TLL1: variants seen among roughly 807,000 people sequenced by gnomAD.
The protein encoded by TLL1 is tolloid-like protein 1.
In TLL1, 49 loss-of-function variants were observed where a neutral mutation model predicts 128.2. The ratio of observed to expected loss-of-function variants is 0.38; its 90% CI spans 0.30 to 0.48. TLL1 has a LOEUF of 0.48. Ranked by LOEUF, TLL1 falls within the 20% of genes least tolerant of loss-of-function variation. TLL1 has a pLI of 0.96. For missense variants in TLL1, 1,123 were observed against 1,242.0 expected (o/e 0.90, Z 1.44); for synonymous variants, 454 against 418.8 (o/e 1.08, Z -1.03).
At chr4:165,995,310 A>T (rs1430292967) in intron 5 of TLL1, 132 bp downstream of exon 5, 4 of 738,296 alleles carry the variant, frequency 5.4e-6, no homozygotes, top group Non-Finnish European at 2.4e-6. Flanking sequence ...TGGATTTTCC[A>T]TAAAAATATT....
chr4:166,027,057 C>A (rs567817249), intron 9 of TLL1, among the ~76,000 whole-genome samples: 1 of 151,814 alleles, frequency 6.6e-6, no homozygotes, highest in Non-Finnish European at 1.5e-5. Flanking sequence ...ATTATGCAGC[C>A]GTAAAAAAGA....
intron 9 of TLL1, among the ~76,000 whole-genome samples, chr4:166,034,236 C>T (rs1738898608): frequency 6.6e-6 from 1 of 152,038 alleles, no homozygotes; most frequent in Non-Finnish European, 1.5e-5. Context: ...TTGGAAGATC[C>T]ATGCATGACT....
intron 8 of TLL1, among the ~76,000 whole-genome samples, chr4:166,017,495 T>C (rs954604281): frequency 8.5e-5 from 13 of 152,156 alleles, no homozygotes; most frequent in African/African-American, 3.1e-4. Flanking sequence ...GTGTTTTAAG[T>C]TCTTTGAGAA....
At chr4:165,950,464 A>C (rs1478814360) in intron 1 of TLL1, among the ~76,000 whole-genome samples, 1 of 152,146 alleles carries the variant, frequency 6.6e-6, no homozygotes, top group Non-Finnish European at 1.5e-5. Context: ...CAACAACAGC[A>C]GAATAGAGAT....
At chr4:165,947,993 G>A (rs187378115) in intron 1 of TLL1, among the ~76,000 whole-genome samples, 202 of 152,284 alleles carry the variant, frequency 1.3e-3, no homozygotes, top group Admixed American at 3.3e-3. Context: ...CTGCCAACAC[G>A]TGCTACCTTG....
intron 1 of TLL1, among the ~76,000 whole-genome samples, chr4:165,948,352 A>G (rs1482803300): frequency 6.6e-6 from 1 of 152,056 alleles, no homozygotes; most frequent in Non-Finnish European, 1.5e-5. Flanking sequence ...TAGTTGAGAG[A>G]TTTTGGATTT....
At chr4:165,991,344 A>G (rs1242104273) in intron 2 of TLL1, among the ~76,000 whole-genome samples, 1 of 152,038 alleles carries the variant, frequency 6.6e-6, no homozygotes, top group Non-Finnish European at 1.5e-5. Flanking sequence ...AGTAACTTGC[A>G]CTACTCAGTT....
At chr4:166,043,947 G>A (rs1057016420) in intron 12 of TLL1, among the ~76,000 whole-genome samples, 4 of 151,994 alleles carry the variant, frequency 2.6e-5, no homozygotes, top group African/African-American at 2.4e-5. Flanking sequence ...ATTAGATGAC[G>A]GGTCAGAAGA....
chr4:165,975,515 C>T (rs764582181), intron 1 of TLL1, among the ~76,000 whole-genome samples: 38 of 151,934 alleles, frequency 2.5e-4, no homozygotes, highest in Non-Finnish European at 5.0e-4. Flanking sequence ...GTCTGAATGA[C>T]TAAAAAAGAA....
intron 18 of TLL1, among the ~76,000 whole-genome samples, chr4:166,086,231 A>C (rs971382300): frequency 6.6e-6 from 1 of 152,094 alleles, no homozygotes; most frequent in African/African-American, 2.4e-5. Context: ...ATGAGAACTG[A>C]ACTATCAGAG....
At chr4:166,094,080 C>A (rs972251722) in intron 19 of TLL1, among the ~76,000 whole-genome samples, 1 of 152,120 alleles carries the variant, frequency 6.6e-6, no homozygotes, top group Non-Finnish European at 1.5e-5. Flanking sequence ...TCTTTCTTTT[C>A]CCTACAGTCA....
chr4:165,888,785 T>C (rs1272701768), intron 1 of TLL1, among the ~76,000 whole-genome samples: 1 of 152,284 alleles, frequency 6.6e-6, no homozygotes, highest in East Asian at 1.9e-4. Flanking sequence ...TGAGTTTAAT[T>C]TTCATTCTTC....
chr4:165,994,536 A>G lies in TLL1; in HGVS notation c.514+3A>G, dbSNP rs1412212834. The G allele has an allele frequency of 2.5e-6, 4 of 1,613,836 alleles. No individual in the cohort carries two copies. Among genetic ancestry groups the G allele is most frequent in the African/African-American group, 1.3e-5 (1 of 74,946 alleles). ...TGTTATAGGAGGAAACTTCACTGGT[A>G]AGATACTCCCAGCATGTCTGTTTTC... is the stretch of plus-strand genomic sequence containing the variant. On this transcript the variant is annotated splice_donor_region_variant and intron_variant, in intron 4 of 20. Coordinates refer to ENST00000061240, the MANE Select transcript of TLL1 (RefSeq NM_012464.5).
At chr4:166,028,998 G>GT (rs1159301103) in intron 9 of TLL1, among the ~76,000 whole-genome samples, 2 of 151,928 alleles carry the variant, frequency 1.3e-5, no homozygotes, top group South Asian at 2.1e-4. Context: ...ATACAGTCCA[G>GT]TTTATTTTTC....
intron 1 of TLL1, among the ~76,000 whole-genome samples, chr4:165,916,103 T>C (rs1451871471): frequency 6.6e-6 from 1 of 152,144 alleles, no homozygotes; most frequent in Non-Finnish European, 1.5e-5. Flanking sequence ...GGCATTTCCA[T>C]AGAGAGCTGG....
At chr4:166,012,421 T>C (rs920973249) in intron 7 of TLL1, among the ~76,000 whole-genome samples, 2 of 151,640 alleles carry the variant, frequency 1.3e-5, no homozygotes, top group Non-Finnish European at 3.0e-5. Flanking sequence ...AATTCTGTTG[T>C]CTGAAATTGA....
intron 16 of TLL1, among the ~76,000 whole-genome samples, chr4:166,067,781 A>C (rs139833386): frequency 3.8e-4 from 57 of 151,902 alleles, no homozygotes; most frequent in African/African-American, 1.1e-3. Context: ...GAAGTTCATG[A>C]AGAAATTAAA....
intron 1 of TLL1, among the ~76,000 whole-genome samples, chr4:165,985,299 T>G (rs1736348416): frequency 6.6e-6 from 1 of 151,994 alleles, no homozygotes; most frequent in Admixed American, 6.6e-5. Flanking sequence ...CTAAAGAGAC[T>G]CAATTTTCTT....
chr4:165,902,211 ACTTGGGTCCCTGG>A (rs1732027938), intron 1 of TLL1, among the ~76,000 whole-genome samples: 1 of 151,754 alleles, frequency 6.6e-6, no homozygotes, highest in South Asian at 2.1e-4. Flanking sequence ...GAGCTAGACC[ACTTGGGTCCCTGG>A]CTTCAGCCCC....
Sources: gnomAD v4.1 joint callset for allele counts (sites outside exome capture counted in the v4.1 genomes callset) on GRCh38, gnomAD v4.1.1 for gene constraint, MANE v1.5 for transcripts, NCBI Gene and HGNC (gene_info 2026-07-23, HGNC 2026-07-21) for gene names.